Variants in ADK observed in about 807,000 individuals in gnomAD.
The protein encoded by ADK is N6,N6-dimethyladenosine kinase.
In ADK, 24 loss-of-function variants were observed where a neutral mutation model predicts 44.7. The observed-to-expected ratio is 0.54, with a 90% CI of 0.39 to 0.76. The LOEUF (loss-of-function observed/expected upper bound fraction) is 0.76. ADK is among the 30% of genes least tolerant of loss of function. The probability of loss-of-function intolerance (pLI) is 0.00; values close to 1 mark genes in which losing one functional copy is unlikely to be tolerated. For synonymous variants in ADK, 128 were observed against 142.6 expected, an observed-to-expected ratio of 0.90 and a Z score of 0.73; for missense variants, 321 against 425.1, an observed-to-expected ratio of 0.76 and a Z score of 2.15.
At chr10:74,663,985 C>A (rs1854848154) in intron 9 of ADK, among the ~76,000 whole-genome samples, 1 of 152,146 alleles carries the variant, frequency 6.6e-6, no homozygotes, top group Admixed American at 6.5e-5. Context: ...GTTAGTATAA[C>A]AATTTAGTTT....
chr10:74,246,567 A>T (rs144595036), intron 3 of ADK, among the ~76,000 whole-genome samples: 53 of 152,320 alleles, frequency 3.5e-4, no homozygotes, highest in African/African-American at 1.1e-3. Context: ...TTAGGGATTA[A>T]AACAGAGGAA....
chr10:74,308,383 T>TA (rs1481359286), intron 3 of ADK, among the ~76,000 whole-genome samples: 1 of 152,216 alleles, frequency 6.6e-6, no homozygotes. Flanking sequence ...TTCCGTCTTT[T>TA]AAAAAGATGC....
chr10:74,521,017 C>G (rs1015801644), intron 6 of ADK, among the ~76,000 whole-genome samples: 1 of 152,064 alleles, frequency 6.6e-6, no homozygotes, highest in Non-Finnish European at 1.5e-5. Flanking sequence ...AAACTATAGA[C>G]TTGATTTTGT....
At chr10:74,309,634 G>C (rs1019981245) in intron 3 of ADK, among the ~76,000 whole-genome samples, 5 of 152,118 alleles carry the variant, frequency 3.3e-5, no homozygotes, top group African/African-American at 1.2e-4. Context: ...AGGTAGCAGG[G>C]AGGTTTAAGA....
chr10:74,286,303 C>G (rs972045388), intron 3 of ADK, among the ~76,000 whole-genome samples: 3 of 152,204 alleles, frequency 2.0e-5, no homozygotes, highest in Non-Finnish European at 2.9e-5. Flanking sequence ...CCTTCAGTCC[C>G]TGCCTCCCAA....
chr10:74,300,740 A>G (rs1313785600), intron 3 of ADK, among the ~76,000 whole-genome samples: 3 of 152,168 alleles, frequency 2.0e-5, no homozygotes, highest in African/African-American at 7.2e-5. Context: ...TACTATGGTA[A>G]AGTTATTTGA....
intron 6 of ADK, among the ~76,000 whole-genome samples, chr10:74,414,127 A>G (rs953555799): frequency 1.3e-5 from 2 of 152,206 alleles, no homozygotes; most frequent in Non-Finnish European, 2.9e-5. Context: ...TTACCAAAAT[A>G]TGACAGAGAT....
chr10:74,657,665 A>G (rs1854536484), intron 9 of ADK, among the ~76,000 whole-genome samples: 1 of 152,234 alleles, frequency 6.6e-6, no homozygotes, highest in African/African-American at 2.4e-5. Flanking sequence ...ATCTAGTAGG[A>G]ATAATCACTA....
At chr10:74,483,820 C>T (rs1847163936) in intron 6 of ADK, among the ~76,000 whole-genome samples, 1 of 152,228 alleles carries the variant, frequency 6.6e-6, no homozygotes, top group Middle Eastern at 3.2e-3. Flanking sequence ...ACCTTCACTC[C>T]ATTTGCCAAG....
chr10:74,555,177 C>T (rs1025743066), intron 7 of ADK, among the ~76,000 whole-genome samples: 21 of 152,246 alleles, frequency 1.4e-4, no homozygotes, highest in Middle Eastern at 3.4e-3. Context: ...CCTGTAGTCT[C>T]AGATCTCCAG....
intron 6 of ADK, among the ~76,000 whole-genome samples, chr10:74,434,288 T>C (rs1845108279): frequency 6.6e-6 from 1 of 152,088 alleles, no homozygotes; most frequent in African/African-American, 2.4e-5. Context: ...ACACCACTGG[T>C]GATAGAAAAA....
At chr10:74,254,520 G>T (rs1331862001) in intron 3 of ADK, among the ~76,000 whole-genome samples, 1 of 150,864 alleles carries the variant, frequency 6.6e-6, no homozygotes, top group African/African-American at 2.4e-5. Flanking sequence ...GTATTTTAAT[G>T]TCAGATTGCT....
intron 1 of ADK, among the ~76,000 whole-genome samples, chr10:74,160,727 G>T (rs1459398367): frequency 1.3e-5 from 2 of 151,610 alleles, no homozygotes; most frequent in African/African-American, 2.4e-5. Flanking sequence ...GTATGTGTGT[G>T]TGTAGGTAGT....
intron 9 of ADK, among the ~76,000 whole-genome samples, chr10:74,606,350 T>A (rs761594017): frequency 6.6e-6 from 1 of 152,246 alleles, no homozygotes; most frequent in Admixed American, 6.5e-5. Context: ...CGATTTTAGA[T>A]CTTTCCCGCT....
At chr10:74,343,906 C>T (rs969101536) in intron 4 of ADK, among the ~76,000 whole-genome samples, 1 of 152,196 alleles carries the variant, frequency 6.6e-6, no homozygotes, top group African/African-American at 2.4e-5. Flanking sequence ...CCATGCCTGG[C>T]TGCCAGATGC....
At chr10:74,235,990 C>A (rs571542308) in intron 3 of ADK, among the ~76,000 whole-genome samples, 2 of 152,210 alleles carry the variant, frequency 1.3e-5, no homozygotes, top group Non-Finnish European at 2.9e-5. Context: ...GCACCATACT[C>A]TAGGACTTCC....
At chr10:74,685,594 T>C (rs1855756786) in intron 10 of ADK, among the ~76,000 whole-genome samples, 1 of 152,230 alleles carries the variant, frequency 6.6e-6, no homozygotes, top group Non-Finnish European at 1.5e-5. Flanking sequence ...GAAATTGACT[T>C]TTCACAATTG....
intron 3 of ADK, among the ~76,000 whole-genome samples, chr10:74,230,298 T>C (rs1281310630): frequency 6.6e-6 from 1 of 152,006 alleles, no homozygotes; most frequent in Non-Finnish European, 1.5e-5. Flanking sequence ...ATTCTAGAAA[T>C]GAACCCTTGA....
At chr10:74,194,668 G>A (rs907783960) in intron 1 of ADK, among the ~76,000 whole-genome samples, 3 of 152,202 alleles carry the variant, frequency 2.0e-5, no homozygotes, top group Non-Finnish European at 4.4e-5. Flanking sequence ...GGCAATGTCT[G>A]CAGAGGGCCT....
Sources: allele counts gnomAD v4.1 joint callset (sites outside exome capture counted in the v4.1 genomes callset), GRCh38; gene constraint gnomAD v4.1.1; transcripts MANE v1.5; gene names NCBI Gene and HGNC (gene_info 2026-07-23, HGNC 2026-07-21).